The following DOCK11 variants were observed in gnomAD, a reference collection of about 807,000 sequenced individuals.
DOCK11 encodes the protein dedicator of cytokinesis protein 11.
Under a neutral mutation model 169.1 loss-of-function variants are expected in DOCK11, and 70 were observed. That is an observed-to-expected ratio of 0.41 (90% CI 0.34 to 0.51). The LOEUF is 0.51. Among genes scored for constraint, DOCK11 ranks in the 20% least tolerant of loss-of-function variants. The probability of loss-of-function intolerance (pLI) is 0.10; values close to 1 mark genes in which losing one functional copy is unlikely to be tolerated. For synonymous variants in DOCK11, 529 were observed against 541.3 expected (o/e 0.98, Z 0.32); for missense variants, 1,166 against 1,538.8 (o/e 0.76, Z 4.05).
At chrX:118,560,604 A>T (rs765041568) in intron 6 of DOCK11, among the ~76,000 whole-genome samples, 17 of 112,081 alleles carry the variant, frequency 1.5e-4, no homozygotes, top group African/African-American at 5.2e-4. Flanking sequence ...GCATCAATTC[A>T]TCAGAGAGCT....
chrX:118,545,286 CT>C, intron 4 of DOCK11, 36 bp from the exon 5 acceptor site: 1 of 948,625 alleles, frequency 1.1e-6, no homozygotes, highest in Non-Finnish European at 1.4e-6. Context: ...TTTTTTTGGT[CT>C]TTTTAGTGTC....
intron 1 of DOCK11, among the ~76,000 whole-genome samples, chrX:118,512,237 G>C (rs2057655092): frequency 8.9e-6 from 1 of 111,968 alleles, no homozygotes; most frequent in Admixed American, 9.5e-5. Flanking sequence ...ACCTACTTAC[G>C]ACAAGGAGGT....
chrX:118,644,926 A>G (rs778033066), intron 40 of DOCK11, among the ~76,000 whole-genome samples: 18 of 111,878 alleles, frequency 1.6e-4, no homozygotes, highest in Non-Finnish European at 3.0e-4. Context: ...ATTGGTGACA[A>G]TGTCAAAGGC....
rs933036669 is a variant in DOCK11 at position 118,525,554 on chromosome X, C to T, written c.103-17171C>T. Among the ~76,000 whole-genome samples the T allele has an allele frequency of 3.6e-5, 4 of 111,152 alleles. No homozygotes were observed. The Admixed American group carries it at 3.8e-4, about 11-fold the overall frequency. ...TGTGGAGGAAGTGCAGAGTTGAATG[C>T]GTACAGAGTTTCTCTTTGGGATGAT... is the stretch of plus-strand genomic sequence containing the variant. On this transcript the variant is annotated intron_variant, in intron 1 of 52. Coordinates refer to ENST00000276202, the MANE Select transcript of DOCK11 (RefSeq NM_144658.4).
intron 14 of DOCK11, 115 bp from the exon 15 acceptor site, chrX:118,584,620 C>T: frequency 3.0e-6 from 2 of 677,794 alleles, no homozygotes; most frequent in Non-Finnish European, 4.2e-6. Context: ...TGAGAAACCG[C>T]CAAACTGTTT....
Position 118,683,084 on chromosome X carries a change from T to G in DOCK11, c.5969T>G (p.Phe1990Cys). Residue 1990 changes from phenylalanine to cysteine, a missense_variant, in exon 52 of 53, where the codon TTT becomes TGT. Physicochemically the swap from Phe to Cys is radical, Grantham distance 205 (BLOSUM62 -2). Coordinates refer to ENST00000276202, the MANE Select transcript of DOCK11 (RefSeq NM_144658.4). Reference sequence around the variant, plus strand: ...TCTTTGATATTCATCCACAGGAAATTTATACAAGCATGCAGCATTGCACTT... The same window carrying G: ...TCTTTGATATTCATCCACAGGAAATGTATACAAGCATGCAGCATTGCACTT... ...VSELKDMFRK[F>C]IQACSIALEL... is the part of the protein sequence containing the mutation. The G allele has an allele frequency of 8.3e-7, 1 of 1,204,366 alleles. No individual in the cohort carries two copies.
At chrX:118,525,064 G>A (rs1271897561) in intron 1 of DOCK11, among the ~76,000 whole-genome samples, 4 of 109,927 alleles carry the variant, frequency 3.6e-5, no homozygotes, top group Non-Finnish European at 7.6e-5. Context: ...AGAATCACTT[G>A]AACCCAGGAG....
chrX:118,602,230 C>T (rs1449806636), intron 23 of DOCK11, among the ~76,000 whole-genome samples: 1 of 108,781 alleles, frequency 9.2e-6, no homozygotes, highest in Middle Eastern at 4.8e-3. Context: ...TCTACCACAC[C>T]TTGCTATCTC....
At chrX:118,647,449 TATAGTGGCAAAA>T (rs2015707938) in intron 40 of DOCK11, among the ~76,000 whole-genome samples, 2 of 87,230 alleles carry the variant, frequency 2.3e-5, no homozygotes, top group Non-Finnish European at 4.3e-5. Context: ...TATATCACTA[TATAGTGGCAAAA>T]ACCGCAATTA....
intron 48 of DOCK11, among the ~76,000 whole-genome samples, chrX:118,679,461 C>A (rs1460693242): frequency 8.9e-6 from 1 of 111,855 alleles, no homozygotes; most frequent in Non-Finnish European, 1.9e-5. Context: ...AACTATTGGC[C>A]AGACATGGTG....
Position 118,544,645 on chromosome X carries a change from CTTTTTTTTTTTTTT to C in DOCK11, c.393-659_393-646del, listed in dbSNP as rs1157804079. Among the ~76,000 whole-genome samples the C allele has an allele frequency of 4.7e-4, 11 of 23,363 alleles. 1 individual carries two copies. Among genetic ancestry groups the C allele is most frequent in the African/African-American group, 1.3e-3 (7 of 5,543 alleles). The allele number at this position is 23,363 out of a possible 115,157, so 20.3% of individuals were successfully genotyped here. ...TGCAAGAGCCAGAATTACACTGTTG[CTTTTTTTTTTTTTT>C]TTTTTTTTTTTTTTTTTTGAGACAG... On this transcript the variant is annotated intron_variant, in intron 4 of 52. Coordinates refer to ENST00000276202, the MANE Select transcript of DOCK11 (RefSeq NM_144658.4).
In DOCK11 at chrX:118,496,322, G is replaced by C. The variant is rs928036939; in HGVS notation, c.102+249G>C. 2.7e-5 allele frequency among the ~76,000 whole-genome samples: 3 copies of C among 112,394 alleles called. No homozygotes were observed. In the East Asian group the frequency reaches 8.6e-4, roughly 32 times the overall value. On this transcript the variant is annotated intron_variant, in intron 1 of 52. Transcript: ENST00000276202. ...AAGCAGACGGGCAAAAGCCGGGCTC[G>C]GACGGCTGCGGAGGAGGCGGAGGCG...
At chrX:118,683,051 G>T in intron 51 of DOCK11, 28 bp from the exon 52 acceptor site, 2 of 1,181,735 alleles carry the variant, frequency 1.7e-6, no homozygotes, top group Non-Finnish European at 2.3e-6. Context: ...TAAATAACAA[G>T]ACCTTTATCT....
chrX:118,605,995 C>T (rs1334039764), intron 24 of DOCK11, among the ~76,000 whole-genome samples: 1 of 109,956 alleles, frequency 9.1e-6, no homozygotes, highest in East Asian at 2.8e-4. Context: ...TGTAAATGTT[C>T]TGCACTTGTG....
chrX:118,557,660 A>G (rs781024236), intron 6 of DOCK11, among the ~76,000 whole-genome samples: 2 of 98,492 alleles, frequency 2.0e-5, no homozygotes, highest in East Asian at 7.5e-4. Flanking sequence ...GCTACTCAGG[A>G]GGCTGAGGCC....
chrX:118,607,168 T>A (rs1377818066), intron 24 of DOCK11, among the ~76,000 whole-genome samples: 2 of 95,103 alleles, frequency 2.1e-5, no homozygotes, highest in African/African-American at 7.9e-5. Flanking sequence ...CAGGCTGGAG[T>A]GCAGTGGTGC....
At chrX:118,530,414 C>A (rs752073366) in intron 1 of DOCK11, among the ~76,000 whole-genome samples, 3 of 112,331 alleles carry the variant, frequency 2.7e-5, no homozygotes, top group Non-Finnish European at 5.6e-5. Flanking sequence ...TCATGTCATT[C>A]CCTTGCTTAA....
At chrX:118,607,091 C>T (rs2014533765) in intron 24 of DOCK11, among the ~76,000 whole-genome samples, 1 of 103,033 alleles carries the variant, frequency 9.7e-6, no homozygotes, top group Non-Finnish European at 2.0e-5. Context: ...TTTTCCCTTT[C>T]CCTTTTCTTT....
chrX:118,543,281 A>G (rs1033192899), intron 3 of DOCK11, among the ~76,000 whole-genome samples: 1 of 111,709 alleles, frequency 9.0e-6, no homozygotes, highest in African/African-American at 3.3e-5. Context: ...TTCCTTTTGG[A>G]TTTGAATACT....
Sources: allele counts gnomAD v4.1 joint callset (sites outside exome capture counted in the v4.1 genomes callset), GRCh38; gene constraint gnomAD v4.1.1; transcripts MANE v1.5; gene names NCBI Gene and HGNC (gene_info 2026-07-23, HGNC 2026-07-21).